Variants in LNX2 observed in about 807,000 individuals in gnomAD.
The protein encoded by LNX2 is ligand of Numb protein X 2.
In LNX2, 35 loss-of-function variants were observed where a neutral mutation model predicts 66.2. The ratio of observed to expected loss-of-function variants is 0.53; its 90% CI spans 0.40 to 0.70. LNX2 has a LOEUF of 0.70. LNX2 is among the 30% of genes least tolerant of loss of function. The pLI, the probability that LNX2 is intolerant of heterozygous loss-of-function variation, is 0.00. For synonymous variants in LNX2, 337 were observed against 315.6 expected (o/e 1.07, Z -0.72); for missense variants, 791 against 850.8 (o/e 0.93, Z 0.87).
rs1955487780 is a variant in LNX2, at chr13:27,586,431, T to C, written c.-100-4628A>G. Among the ~76,000 whole-genome samples, 3 of 152,310 alleles carry C rather than the reference T, an allele frequency of 2.0e-5. No homozygotes were observed. The South Asian group carries it at 6.2e-4, about 32-fold the overall frequency. ...CTCTTCTCCCAGCTCAGGCAGATCT[T>C]TCTCTTTCTGCTTTGTGTGCAAGCT... On this transcript the variant is annotated intron_variant, in intron 1 of 9. Transcript: ENST00000316334.
chr13:27,577,098 CAAAT>C (rs1011147250), intron 2 of LNX2, among the ~76,000 whole-genome samples: 1 of 152,064 alleles, frequency 6.6e-6, no homozygotes, highest in African/African-American at 2.4e-5. Context: ...AGCAAAAAGA[CAAAT>C]AATCCAATAT....
chr13:27,560,081 C>T, intron 5 of LNX2, 96 bp from the exon 6 acceptor site: 1 of 1,153,674 alleles, frequency 8.7e-7, no homozygotes, highest in South Asian at 2.0e-5. Context: ...TTCTTAATCA[C>T]TGTACCAGGG....
intron 1 of LNX2, among the ~76,000 whole-genome samples, chr13:27,610,886 T>C (rs1955765065): frequency 6.6e-6 from 1 of 151,816 alleles, no homozygotes; most frequent in Admixed American, 6.6e-5. Context: ...CCCAGGAAAA[T>C]GCAAATCAAA....
chr13:27,582,037 A>C (rs1189286500), intron 1 of LNX2, among the ~76,000 whole-genome samples: 1 of 151,884 alleles, frequency 6.6e-6, no homozygotes, highest in Non-Finnish European at 1.5e-5. Flanking sequence ...TTTTTTATTT[A>C]TTTGCTTTTT....
At chr13:27,583,173 T>A in intron 1 of LNX2, among the ~76,000 whole-genome samples, 1 of 1,074 alleles carries the variant, frequency 9.3e-4, no homozygotes, top group East Asian at 0.016. Context: ...AGCAGCAGTG[T>A]GTGTGTGTGT....
chr13:27,584,029 C>G (rs959621580), intron 1 of LNX2, among the ~76,000 whole-genome samples: 6 of 151,994 alleles, frequency 3.9e-5, no homozygotes, highest in African/African-American at 1.5e-4. Context: ...GTTGCAGGGG[C>G]TTGAGGGTAC....
At chr13:27,592,576 T>C (rs2138429114) in intron 1 of LNX2, among the ~76,000 whole-genome samples, 1 of 152,242 alleles carries the variant, frequency 6.6e-6, no homozygotes, top group East Asian at 1.9e-4. Context: ...GGGAAGATGA[T>C]ATAAATTAGG....
chr13:27,561,947 C>G (rs894775900), intron 5 of LNX2, among the ~76,000 whole-genome samples: 1 of 152,196 alleles, frequency 6.6e-6, no homozygotes, highest in Non-Finnish European at 1.5e-5. Context: ...ATTTTAAACA[C>G]TGTGAATTCC....
intron 1 of LNX2, among the ~76,000 whole-genome samples, chr13:27,583,169 A>AGTGTGTGTGTGTGTGTGTGTGT (rs763165039): frequency 2.3e-5 from 1 of 44,116 alleles, no homozygotes; most frequent in Admixed American, 2.3e-4. Flanking sequence ...TCAGAGCAGC[A>AGTGTGTGTGTGTGTGTGTGTGT]GTGTGTGTGT....
chr13:27,556,129 TAAA>T, intron 7 of LNX2, 104 bp downstream of exon 7: 1 of 1,132,640 alleles, frequency 8.8e-7, no homozygotes, highest in Admixed American at 2.6e-5. Context: ...TTAAAGAACT[TAAA>T]AAAGTCATGT....
At chr13:27,608,450 T>C (rs938017742) in intron 1 of LNX2, among the ~76,000 whole-genome samples, 10 of 152,230 alleles carry the variant, frequency 6.6e-5, no homozygotes, top group African/African-American at 2.4e-4. Flanking sequence ...GAATTATAAC[T>C]GGTGGGATTA....
chr13:27,616,656 A>G (rs1955830521), intron 1 of LNX2, among the ~76,000 whole-genome samples: 1 of 152,266 alleles, frequency 6.6e-6, no homozygotes, highest in Non-Finnish European at 1.5e-5. Context: ...TAGGAAGCAC[A>G]CATTCTAAAG....
chr13:27,573,717 T>C (rs1020388147), intron 2 of LNX2, among the ~76,000 whole-genome samples: 1 of 152,066 alleles, frequency 6.6e-6, no homozygotes, highest in African/African-American at 2.4e-5. Flanking sequence ...GTCCAATCAT[T>C]AGCTGTCCAG....
chr13:27,583,255 T>TGTGCGTGCGCGCGCGC (rs1555268514), intron 1 of LNX2, among the ~76,000 whole-genome samples: 1 of 58,530 alleles, frequency 1.7e-5, no homozygotes, highest in Non-Finnish European at 3.2e-5. Flanking sequence ...TGTGTGTGTG[T>TGTGCGTGCGCGCGCGC]GCGCGCGTCC....
chr13:27,616,196 T>TG (rs1955825239), intron 1 of LNX2, among the ~76,000 whole-genome samples: 1 of 141,140 alleles, frequency 7.1e-6, no homozygotes, highest in African/African-American at 2.7e-5. Context: ...TTGGGGGGGG[T>TG]AGCAGGGAGT....
intron 1 of LNX2, among the ~76,000 whole-genome samples, chr13:27,596,692 G>T (rs537886205): frequency 5.3e-5 from 8 of 152,018 alleles, no homozygotes; most frequent in Admixed American, 5.2e-4. Flanking sequence ...CACAAAATCT[G>T]TAAGAAAATC....
At chr13:27,559,177 G>A (rs1243479584) in intron 6 of LNX2, among the ~76,000 whole-genome samples, 1 of 152,098 alleles carries the variant, frequency 6.6e-6, no homozygotes, top group Non-Finnish European at 1.5e-5. Context: ...TGAAAGTGAG[G>A]TAGCATCAAA....
intron 2 of LNX2, among the ~76,000 whole-genome samples, 185 bp downstream of exon 2, chr13:27,581,112 T>C (rs1955391948): frequency 6.6e-6 from 1 of 152,226 alleles, no homozygotes; most frequent in African/African-American, 2.4e-5. Context: ...GTTTTTGTAT[T>C]CATGTTTTTG....
intron 2 of LNX2, among the ~76,000 whole-genome samples, chr13:27,572,206 CA>C (rs1293094507): frequency 6.6e-5 from 10 of 152,234 alleles, no homozygotes; most frequent in Admixed American, 6.5e-4. Context: ...CATTAAAAAA[CA>C]GAAATCACAA....
Sources: gnomAD v4.1 joint callset for allele counts (sites outside exome capture counted in the v4.1 genomes callset) on GRCh38, gnomAD v4.1.1 for gene constraint, MANE v1.5 for transcripts, NCBI Gene and HGNC (gene_info 2026-07-23, HGNC 2026-07-21) for gene names.